RARG: variants seen among roughly 807,000 people sequenced by gnomAD.
RARG encodes RAR-gamma.
In RARG, 17 loss-of-function variants were observed where a neutral mutation model predicts 43.7. The observed-to-expected ratio is 0.39, with a 90% CI of 0.27 to 0.58. The LOEUF (loss-of-function observed/expected upper bound fraction) is 0.58, where lower values mean the gene tolerates loss of function less well. Among genes scored for constraint, RARG ranks in the 20% least tolerant of loss-of-function variants. RARG has a pLI of 0.57. For missense variants in RARG, 346 were observed against 598.7 expected (o/e 0.58, Z 4.40); for synonymous variants, 238 against 236.4 (o/e 1.01, Z -0.06).
intron 5 of RARG, 129 bp from the exon 6 acceptor site, chr12:53,214,735 C>G: frequency 1.9e-6 from 2 of 1,040,812 alleles, no homozygotes; most frequent in Non-Finnish European, 2.7e-6. Flanking sequence ...TAATTACTGC[C>G]TCAGTTTCCC....
In RARG at chr12:53,210,896, C is replaced by G. The variant is rs1942570924; in HGVS notation, c.*780G>C. The G allele has an allele frequency of 6.6e-6, 1 of 151,888 alleles. No individual in the cohort carries two copies. Among genetic ancestry groups the G allele is most frequent in the Non-Finnish European group, 1.5e-5 (1 of 67,514 alleles). The allele number at this position is 151,888 out of a possible 1,614,324, so 9.4% of individuals were successfully genotyped here. A position where few individuals can be genotyped will look rare whatever the true frequency, so the allele number is the denominator to read the frequency against. On this transcript the variant is annotated 3_prime_UTR_variant, in exon 10 of 10. Transcript: ENST00000425354. ...TAAGCAGCATCCCCCCTCCCTGGGC[C>G]AAGCTGCTCTGGGGAGTAAAGGGTG...
intron 3 of RARG, among the ~76,000 whole-genome samples, chr12:53,225,632 C>CT (rs1449930184): frequency 6.6e-6 from 1 of 152,200 alleles, no homozygotes; most frequent in Non-Finnish European, 1.5e-5. Flanking sequence ...CTCTCCAACT[C>CT]TGTCTCTGAA....
Position 53,213,454 on chromosome 12 carries a change from G to A in RARG, c.1018+42C>T, listed in dbSNP as rs1471257590. On this transcript the variant is annotated intron_variant, in intron 8 of 9. Coordinates refer to ENST00000425354, the MANE Select transcript of RARG (RefSeq NM_000966.6). This position sits in a 1 kb window ranked among gnomAD's most constrained non-coding sequence, Gnocchi z 4.7. ...AGATTCCGCATGGAGTGGTGGGAAA[G>A]GAGACTGAGCACTGAGCAGACGCCA... The A allele has an allele frequency of 1.9e-6, 3 of 1,595,062 alleles. No individual in the cohort carries two copies. Among genetic ancestry groups the A allele is most frequent in the East Asian group, 2.2e-5 (1 of 44,766 alleles).
intron 2 of RARG, chr12:53,230,114 G>T: frequency 2.5e-6 from 1 of 396,024 alleles, no homozygotes; most frequent in Non-Finnish European, 3.4e-6. Flanking sequence ...GGAATTGAAG[G>T]CAGTGCAGAG....
rs1942684830 is a variant in RARG at position 53,214,015 on chromosome 12, A to G, written c.813+44T>C. On this transcript the variant is annotated intron_variant, in intron 7 of 9. Transcript: ENST00000425354. The stretch of plus-strand genomic sequence containing the variant: ...GGATCAAGGAATTGTTGAGGGTCCC[A>G]TATGTGGGTCGGGCTGTGGCAGGAC... 3.2e-6 allele frequency: 5 copies of G among 1,576,266 alleles called. No individual in the cohort carries two copies. In the South Asian group the frequency reaches 3.4e-5, roughly 11 times the overall value.
In RARG at chr12:53,227,807, G is replaced by GA; in HGVS notation, c.-142-121_-142-120insT. On this transcript the variant is annotated intron_variant, in intron 2 of 9. Coordinates refer to ENST00000425354, the MANE Select transcript of RARG (RefSeq NM_000966.6). This position sits in a 1 kb window ranked among gnomAD's most constrained non-coding sequence, Gnocchi z 4.3. ...GTGCTGCTACAGTTTATCCTGCCCTGGCTCAGGGCCCTTGCAGTGTGGTAG... is the reference window on the plus strand; with the variant it reads ...GTGCTGCTACAGTTTATCCTGCCCTGAGCTCAGGGCCCTTGCAGTGTGGTAG... 1.3e-6 allele frequency: 1 copy of GA among 743,340 alleles called. No individual in the cohort carries two copies. Among genetic ancestry groups the GA allele is most frequent in the Non-Finnish European group, 1.8e-6 (1 of 548,436 alleles). The allele number at this position is 743,340 out of a possible 1,614,324, so 46.0% of individuals were successfully genotyped here.
chr12:53,227,640 G>A lies in RARG; in HGVS notation c.-95C>T. 1 of 1,362,768 alleles carries A rather than the reference G, an allele frequency of 7.3e-7. No homozygotes were observed. The highest frequency in any genetic ancestry group is 3.0e-5 in the East Asian group (1 of 33,342). 84.4% of individuals were successfully genotyped at this position (1,362,768 alleles called of 1,614,324 possible). ...CCATGCCCACTGCCCCAGCCTGGGA[G>A]GCTCCGTACCCGCCCTGCCTGGCCT... On this transcript the variant is annotated 5_prime_UTR_variant, in exon 3 of 10. Transcript: ENST00000425354. This position sits in a 1 kb window ranked among gnomAD's most constrained non-coding sequence, Gnocchi z 4.3.
At chr12:53,214,400 A>G (rs1359919146) in intron 6 of RARG, 46 bp downstream of exon 6, 5 of 1,593,468 alleles carry the variant, frequency 3.1e-6, no homozygotes, top group Middle Eastern at 1.9e-4. Context: ...CCCATTCCCC[A>G]AAGTGAAGAG....
At chr12:53,218,227 C>A (rs771995654) in intron 3 of RARG, among the ~76,000 whole-genome samples, 4 of 152,136 alleles carry the variant, frequency 2.6e-5, no homozygotes, top group Admixed American at 6.5e-5. Context: ...CCCACCTCCA[C>A]CCCCCAAGCA....
At chr12:53,220,020 G>C in intron 3 of RARG, 1 of 1,534,170 alleles carries the variant, frequency 6.5e-7, no homozygotes. Flanking sequence ...CGGTGGCTCT[G>C]CGCAGCAAGC....
In RARG at chr12:53,215,865, C is replaced by T. The variant is rs1565721357; in HGVS notation, c.185-71G>A. 1 of 1,461,802 alleles carries T rather than the reference C, an allele frequency of 6.8e-7. No individual in the cohort carries two copies. Among genetic ancestry groups the T allele is most frequent in the Non-Finnish European group, 9.2e-7 (1 of 1,091,410 alleles). 90.6% of individuals were successfully genotyped at this position (1,461,802 alleles called of 1,614,324 possible). ...CAGACCTCCAGGCTTCCTCATCACA[C>T]ACACCCCATGTGCATTTGTTCCTTG... is the stretch of plus-strand genomic sequence containing the variant. On this transcript the variant is annotated intron_variant, in intron 3 of 9. Transcript: ENST00000425354. The surrounding 1 kb of genome is among the most constrained non-coding windows in gnomAD (Gnocchi z 6.4).
intron 3 of RARG, among the ~76,000 whole-genome samples, chr12:53,222,965 C>T (rs971698012): frequency 6.6e-6 from 1 of 152,110 alleles, no homozygotes; most frequent in Non-Finnish European, 1.5e-5. Context: ...CCAGGGCATA[C>T]CCCCCTCCCA....
rs1275045820 is a variant in RARG, at chr12:53,213,220, C to T, written c.1042G>A (p.Glu348Lys). 1.1e-5 allele frequency: 17 copies of T among 1,598,248 alleles called. No homozygotes were observed. Among genetic ancestry groups the T allele is most frequent in the Admixed American group, 5.0e-5 (3 of 59,872 alleles). The change falls in exon 9 of 10, where the codon GAA becomes AAA. Residue 348 changes from glutamate (E) to lysine (K), a missense_variant. By Grantham distance (56) the Glu-to-Lys change is moderately conservative (BLOSUM62 1). Coordinates refer to ENST00000425354, the MANE Select transcript of RARG (RefSeq NM_000966.6). This position sits in a 1 kb window ranked among gnomAD's most constrained non-coding sequence, Gnocchi z 4.7. The part of the protein sequence containing the change: ...CGDRMDLEEP[E>K]KVDKLQEPLL... Reference sequence around the variant, plus strand: ...GGCTCCTGCAGCTTGTCCACTTTTTCGGGCTCCTCCAGGTCCATGCGGTCT... The same window carrying T: ...GGCTCCTGCAGCTTGTCCACTTTTTTGGGCTCCTCCAGGTCCATGCGGTCT...
chr12:53,211,751 A>C lies in RARG; in HGVS notation c.1290T>G (p.Gly430=), dbSNP rs1466538077. 1.3e-6 allele frequency: 2 copies of C among 1,568,812 alleles called. No individual in the cohort carries two copies. Among genetic ancestry groups the C allele is most frequent in the Non-Finnish European group, 8.6e-7 (1 of 1,158,234 alleles). The part of the protein sequence containing the change: ...EMFEDDSSQP[G]PHPNASSEDE... ...CCTCGCTAGAGGCATTGGGGTGGGGACCAGGCTGCGAGGAGTCATCCTCAA... is the reference window on the plus strand; with the variant it reads ...CCTCGCTAGAGGCATTGGGGTGGGGCCCAGGCTGCGAGGAGTCATCCTCAA... Residue 430 remains glycine, a synonymous_variant, in exon 10 of 10, where the codon GGT becomes GGG. Transcript: ENST00000425354. This position sits in a 1 kb window ranked among gnomAD's most constrained non-coding sequence, Gnocchi z 4.6.
intron 3 of RARG, among the ~76,000 whole-genome samples, chr12:53,224,106 AACACACACGC>A (rs1161367160): frequency 6.6e-6 from 1 of 152,092 alleles, no homozygotes; most frequent in African/African-American, 2.4e-5. Flanking sequence ...CACATGCATG[AACACACACGC>A]ACGCACACAC....
At chr12:53,217,742 C>A (rs1001567382) in intron 3 of RARG, among the ~76,000 whole-genome samples, 5 of 152,174 alleles carry the variant, frequency 3.3e-5, no homozygotes, top group Non-Finnish European at 1.5e-5. Context: ...GGGGCCCCTG[C>A]TGGGGAGGAT....
chr12:53,222,988 C>A (rs1053576887), intron 3 of RARG, among the ~76,000 whole-genome samples: 5 of 152,154 alleles, frequency 3.3e-5, no homozygotes, highest in African/African-American at 1.2e-4. Context: ...TAGAGCCCCA[C>A]AAAGGCATAG....
chr12:53,211,995 TC>T lies in RARG; in HGVS notation c.1178-133del. On this transcript the variant is annotated intron_variant, in intron 9 of 9. Coordinates refer to ENST00000425354, the MANE Select transcript of RARG (RefSeq NM_000966.6). The surrounding 1 kb of genome is among the most constrained non-coding windows in gnomAD (Gnocchi z 4.6). ...CCAGCACAGGCCCACCACCTCTCCG[TC>T]CCCAGCTCATCCTCTTCTCACTAGG... 2 of 561,754 alleles carry T rather than the reference TC, an allele frequency of 3.6e-6. No individual in the cohort carries two copies. Among genetic ancestry groups the T allele is most frequent in the Non-Finnish European group, 5.4e-6 (2 of 368,384 alleles). The allele number at this position is 561,754 out of a possible 1,614,324, so 34.8% of individuals were successfully genotyped here.
chr12:53,226,923 C>G (rs766161624), intron 3 of RARG, among the ~76,000 whole-genome samples: 2 of 152,182 alleles, frequency 1.3e-5, no homozygotes, highest in Non-Finnish European at 2.9e-5. Flanking sequence ...AATTTCACCT[C>G]TTGATCACAG....
Sources: allele counts gnomAD v4.1 joint callset (sites outside exome capture counted in the v4.1 genomes callset), GRCh38; gene constraint gnomAD v4.1.1; non-coding constraint Gnocchi (gnomAD v3.1); transcripts MANE v1.5; gene names NCBI Gene and HGNC (gene_info 2026-07-23, HGNC 2026-07-21).